The following XIRP2 variants were observed in gnomAD, a reference collection of about 807,000 sequenced individuals.
XIRP2 encodes xin actin-binding repeat-containing protein 2.
Under a neutral mutation model 277.0 loss-of-function variants are expected in XIRP2, and 236 were observed. The observed-to-expected ratio is 0.85, with a 90% CI of 0.77 to 0.95. XIRP2 has a LOEUF of 0.95. XIRP2 is among the 40% of genes least tolerant of loss of function. The pLI, the probability that XIRP2 is intolerant of heterozygous loss-of-function variation, is 0.00. For missense variants in XIRP2, 4,640 were observed against 4,157.5 expected (o/e 1.12, Z -3.19); for synonymous variants, 1,490 against 1,416.5 (o/e 1.05, Z -1.17).
At chr2:167,156,162 G>A (rs953693914) in intron 3 of XIRP2, among the ~76,000 whole-genome samples, 1 of 151,850 alleles carries the variant, frequency 6.6e-6, no homozygotes, top group African/African-American at 2.4e-5. Context: ...CGTGAAAATG[G>A]CCATACTGCC....
intron 2 of XIRP2, among the ~76,000 whole-genome samples, chr2:167,059,450 AAAAATAAAATAAAAT>A (rs56983000): frequency 5.7e-5 from 8 of 140,300 alleles, no homozygotes; most frequent in South Asian, 2.3e-4. Context: ...ACATGTGGAA[AAAAATAAAATAAAAT>A]AAAATAAAAT....
intron 2 of XIRP2, among the ~76,000 whole-genome samples, chr2:167,112,850 T>A (rs1256770692): frequency 6.6e-6 from 1 of 151,898 alleles, no homozygotes; most frequent in African/African-American, 2.4e-5. Flanking sequence ...CGGGGTTTCA[T>A]CATCATGTTG....
intron 2 of XIRP2, among the ~76,000 whole-genome samples, chr2:166,939,689 A>AC (rs1442165290): frequency 2.4e-4 from 36 of 150,772 alleles, no homozygotes; most frequent in Non-Finnish European, 4.1e-4. Context: ...CAAAAAAAAA[A>AC]AAAAAAAAAC....
intron 3 of XIRP2, among the ~76,000 whole-genome samples, chr2:167,191,873 C>T (rs1406577831): frequency 6.6e-6 from 1 of 152,046 alleles, no homozygotes; most frequent in Admixed American, 6.6e-5. Flanking sequence ...CCAAATTGCT[C>T]CCGGCATACG....
intron 3 of XIRP2, among the ~76,000 whole-genome samples, chr2:167,152,112 G>A (rs1294558150): frequency 1.3e-5 from 2 of 152,030 alleles, no homozygotes; most frequent in Non-Finnish European, 2.9e-5. Context: ...ATGGATTCAG[G>A]ACATGCTACC....
At chr2:167,071,692 A>C (rs1467143763) in intron 2 of XIRP2, among the ~76,000 whole-genome samples, 1 of 152,202 alleles carries the variant, frequency 6.6e-6, no homozygotes, top group Non-Finnish European at 1.5e-5. Flanking sequence ...ATGGCAGCAA[A>C]CCAAAACATG....
At chr2:167,022,374 G>C (rs1351250122) in intron 2 of XIRP2, among the ~76,000 whole-genome samples, 1 of 151,954 alleles carries the variant, frequency 6.6e-6, no homozygotes, top group Non-Finnish European at 1.5e-5. Flanking sequence ...AATGTTGTTG[G>C]ATATTATTTT....
At chr2:167,117,954 CA>C (rs1380518827) in intron 2 of XIRP2, among the ~76,000 whole-genome samples, 22 of 152,110 alleles carry the variant, frequency 1.4e-4, no homozygotes, top group African/African-American at 4.1e-4. Context: ...GAGATCTGAC[CA>C]AAATTCTGAG....
intron 5 of XIRP2, among the ~76,000 whole-genome samples, chr2:167,221,397 T>C (rs1033873179): frequency 8.2e-5 from 12 of 147,234 alleles, no homozygotes; most frequent in African/African-American, 2.5e-4. Flanking sequence ...GAGGTGAAGA[T>C]TGCGGTGAGC....
chr2:166,984,109 C>G (rs904774957), intron 2 of XIRP2, among the ~76,000 whole-genome samples: 1 of 152,174 alleles, frequency 6.6e-6, no homozygotes, highest in Non-Finnish European at 1.5e-5. Context: ...TCAACTCTTA[C>G]AATTCCCATT....
At chr2:166,929,074 C>T (rs1249744461) in intron 2 of XIRP2, among the ~76,000 whole-genome samples, 1 of 152,002 alleles carries the variant, frequency 6.6e-6, no homozygotes, top group Non-Finnish European at 1.5e-5. Flanking sequence ...AACCAGCAGC[C>T]TCAGCCTCAC....
At chr2:167,208,763 C>T (rs1693933534) in intron 3 of XIRP2, among the ~76,000 whole-genome samples, 1 of 151,980 alleles carries the variant, frequency 6.6e-6, no homozygotes, top group Non-Finnish European at 1.5e-5. Context: ...CAAAAAAAAG[C>T]CTGAACTTCT....
At chr2:167,195,036 A>G (rs1487477241) in intron 3 of XIRP2, among the ~76,000 whole-genome samples, 8 of 152,142 alleles carry the variant, frequency 5.3e-5, no homozygotes, top group Non-Finnish European at 7.4e-5. Flanking sequence ...AAACTGCAAC[A>G]CACTAAAAAC....
At chr2:167,123,367 T>G (rs1691109096) in intron 2 of XIRP2, among the ~76,000 whole-genome samples, 1 of 152,200 alleles carries the variant, frequency 6.6e-6, no homozygotes, top group Admixed American at 6.5e-5. Context: ...CGAAGAAACT[T>G]ACTTTAATAG....
Position 167,259,134 on chromosome 2 carries a change from A to T in XIRP2, c.*1317A>T. On this transcript the variant is annotated 3_prime_UTR_variant, in exon 11 of 11. Transcript: ENST00000409195. ...AATTGTGATTTAATAGATTCTGTAG[A>T]TCAAATTAAAAATATGCCATGCTTG... 1 of 1,612,682 alleles carries T rather than the reference A, an allele frequency of 6.2e-7. No individual in the cohort carries two copies. The highest frequency in any genetic ancestry group is 8.5e-7 in the Non-Finnish European group (1 of 1,179,274).
chr2:167,180,390 T>G (rs1334777311), intron 3 of XIRP2, among the ~76,000 whole-genome samples: 1 of 152,162 alleles, frequency 6.6e-6, no homozygotes, highest in Non-Finnish European at 1.5e-5. Context: ...TCTCTTTGAT[T>G]TTGCTCCTGT....
intron 2 of XIRP2, among the ~76,000 whole-genome samples, chr2:167,035,975 G>C (rs1358001065): frequency 1.3e-5 from 2 of 152,236 alleles, no homozygotes; most frequent in Non-Finnish European, 2.9e-5. Context: ...AAGCTTGGCA[G>C]CTTCTACGTA....
At chr2:167,060,781 T>A (rs1251952435) in intron 2 of XIRP2, among the ~76,000 whole-genome samples, 1 of 152,190 alleles carries the variant, frequency 6.6e-6, no homozygotes, top group Non-Finnish European at 1.5e-5. Context: ...TTATGATAAT[T>A]CTTGAATTCA....
chr2:166,919,160 A>C (rs1333266264), intron 2 of XIRP2, among the ~76,000 whole-genome samples: 1 of 152,164 alleles, frequency 6.6e-6, no homozygotes, highest in Non-Finnish European at 1.5e-5. Flanking sequence ...GTATTTCATA[A>C]TACATGGCAC....
Sources: gnomAD v4.1 joint callset for allele counts (sites outside exome capture counted in the v4.1 genomes callset) on GRCh38, gnomAD v4.1.1 for gene constraint, MANE v1.5 for transcripts, NCBI Gene and HGNC (gene_info 2026-07-23, HGNC 2026-07-21) for gene names.